Variants in CAST observed in about 807,000 individuals in gnomAD.
CAST encodes calpastatin, also known as MIR583 host.
CAST carries 76 observed loss-of-function variants against 119.6 expected under a neutral mutation model. The observed-to-expected ratio is 0.64, with a 90% CI of 0.53 to 0.77. CAST has a LOEUF of 0.77. CAST is among the 30% of genes least tolerant of loss of function. The probability of loss-of-function intolerance (pLI) is 0.00; values close to 1 mark genes in which losing one functional copy is unlikely to be tolerated. For missense variants in CAST, 953 were observed against 946.5 expected (o/e 1.01, Z -0.09); for synonymous variants, 319 against 331.6 (o/e 0.96, Z 0.41).
At chr5:96,216,892 C>T in the CAST span, among the ~76,000 whole-genome samples, 86,531 of 151,984 alleles carry the variant, frequency 0.57, 25,890 homozygotes, top group Non-Finnish European at 0.66. Context: ...ACTAGTTTAA[C>T]TTAACAACTC....
intron 20 of CAST, among the ~76,000 whole-genome samples, chr5:96,752,552 AACCTCAGGGATTT>A (rs1765327429): frequency 7.1e-4 from 5 of 7,032 alleles, no homozygotes; most frequent in South Asian, 2.5e-3. Flanking sequence ...CCTCAGGGAT[AACCTCAGGGATTT>A]TTTTTTTTTT....
intron 1 of CAST, among the ~76,000 whole-genome samples, chr5:96,594,656 T>G (rs531347466): frequency 6.6e-6 from 1 of 152,262 alleles, no homozygotes; most frequent in Non-Finnish European, 1.5e-5. Context: ...ATTTTAGTAC[T>G]GCTTATGTCA....
intron 1 of CAST, among the ~76,000 whole-genome samples, chr5:96,566,996 T>C (rs1580827784): frequency 1.3e-5 from 2 of 152,346 alleles, no homozygotes; most frequent in East Asian, 1.9e-4. Flanking sequence ...TCCTTTCATC[T>C]GCACAAGAAG....
At chr5:96,662,322 T>TTCCAC, upstream of CAST, 1 of 567,042 alleles carries the variant, frequency 1.8e-6, no homozygotes, top group Non-Finnish European at 2.5e-6. Context: ...GGCCCTCCGC[T>TTCCAC]CCCTCCCTCC....
the CAST span, among the ~76,000 whole-genome samples, chr5:96,456,432 A>G: frequency 4.6e-5 from 7 of 152,194 alleles, no homozygotes; most frequent in African/African-American, 1.7e-4. Flanking sequence ...ATACAGTTAC[A>G]GTAATATATA....
At chr5:96,445,933 G>A in the CAST span, among the ~76,000 whole-genome samples, 35 of 152,184 alleles carry the variant, frequency 2.3e-4, no homozygotes, top group East Asian at 9.7e-4. Flanking sequence ...CTGCAGCCTC[G>A]ACCTCCAGGA....
the CAST span, among the ~76,000 whole-genome samples, chr5:96,363,258 T>G: frequency 1.3e-5 from 2 of 148,912 alleles, no homozygotes; most frequent in African/African-American, 5.0e-5. Context: ...TAGTTTGAAG[T>G]CAGGTAGTAT....
the CAST span, among the ~76,000 whole-genome samples, chr5:96,218,969 A>G: frequency 6.6e-6 from 1 of 152,180 alleles, no homozygotes; most frequent in Admixed American, 6.5e-5. Context: ...CAGTTTCTTC[A>G]GGTGAAAAGT....
chr5:96,719,059 G>A (rs1168932289), intron 3 of CAST, among the ~76,000 whole-genome samples: 1 of 152,168 alleles, frequency 6.6e-6, no homozygotes, highest in Non-Finnish European at 1.5e-5. Flanking sequence ...ATGTGTGGTA[G>A]ACAAAGAAGT....
At chr5:96,633,292 T>C (rs1165742045) in intron 1 of CAST, among the ~76,000 whole-genome samples, 2 of 152,168 alleles carry the variant, frequency 1.3e-5, no homozygotes, top group Non-Finnish European at 2.9e-5. Context: ...ATAGATCAAT[T>C]TAAATAGTAT....
intron 2 of CAST, among the ~76,000 whole-genome samples, chr5:96,684,308 G>A (rs535628448): frequency 1.3e-5 from 2 of 152,136 alleles, no homozygotes; most frequent in Admixed American, 6.5e-5. Flanking sequence ...ATTATTATTG[G>A]TGTTACTTTA....
chr5:96,621,625 C>T (rs752669818), intron 1 of CAST, among the ~76,000 whole-genome samples: 28 of 152,150 alleles, frequency 1.8e-4, no homozygotes, highest in Non-Finnish European at 2.9e-4. Context: ...AAACTGCTCC[C>T]GTGAGCCAAT....
intron 1 of CAST, among the ~76,000 whole-genome samples, chr5:96,567,850 G>A (rs995729991): frequency 5.3e-5 from 8 of 152,150 alleles, no homozygotes; most frequent in African/African-American, 1.9e-4. Flanking sequence ...ACAGGGACAA[G>A]GTAGTTCAGA....
At chr5:96,561,801 T>TTTTTTTTTTG (rs1746374690) in intron 1 of CAST, among the ~76,000 whole-genome samples, 2 of 87,688 alleles carry the variant, frequency 2.3e-5, no homozygotes, top group Non-Finnish European at 4.6e-5. Flanking sequence ...TTTTTGTTTT[T>TTTTTTTTTTG]TTTTTTTTTG....
At chr5:96,213,283 T>C in the CAST span, 1 of 152,186 alleles carries the variant, frequency 6.6e-6, no homozygotes, top group Admixed American at 6.5e-5. Context: ...CATTTACTTG[T>C]TATATTTATT....
chr5:96,744,545 A>T (rs948560555), intron 16 of CAST, among the ~76,000 whole-genome samples: 7 of 152,334 alleles, frequency 4.6e-5, no homozygotes, highest in Non-Finnish European at 1.0e-4. Flanking sequence ...GGGAGCTACA[A>T]TTCAAGATGA....
chr5:96,454,844 C>T, the CAST span, among the ~76,000 whole-genome samples: 5 of 152,132 alleles, frequency 3.3e-5, no homozygotes, highest in Admixed American at 2.0e-4. Flanking sequence ...TGACTCAGTT[C>T]GGTGCTAATA....
the CAST span, among the ~76,000 whole-genome samples, chr5:96,236,296 G>A: frequency 2.0e-5 from 3 of 152,278 alleles, no homozygotes; most frequent in East Asian, 5.8e-4. Context: ...AGGAAAAATG[G>A]CTGTCTTTGC....
the CAST span, among the ~76,000 whole-genome samples, chr5:96,183,096 G>A: frequency 6.6e-6 from 1 of 151,296 alleles, no homozygotes; most frequent in South Asian, 2.1e-4. Context: ...CCGAGATCGC[G>A]CGCCACTGCA....
Sources: gnomAD v4.1 joint callset for allele counts (sites outside exome capture counted in the v4.1 genomes callset) on GRCh38, gnomAD v4.1.1 for gene constraint, MANE v1.5 for transcripts, NCBI Gene and HGNC (gene_info 2026-07-23, HGNC 2026-07-21) for gene names.